TEX14: variants seen among roughly 807,000 people sequenced by gnomAD.
The protein encoded by TEX14 is inactive serine/threonine-protein kinase TEX14.
TEX14 carries 168 observed loss-of-function variants against 178.6 expected under a neutral mutation model. The ratio of observed to expected loss-of-function variants is 0.94; its 90% CI spans 0.83 to 1.07. The LOEUF (loss-of-function observed/expected upper bound fraction) is 1.07. TEX14 is among the 50% of genes least tolerant of loss of function. The probability of loss-of-function intolerance (pLI) is 0.00; values close to 1 mark genes in which losing one functional copy is unlikely to be tolerated. For synonymous variants in TEX14, 626 were observed against 634.1 expected (o/e 0.99, Z 0.19); for missense variants, 1,730 against 1,753.6 (o/e 0.99, Z 0.24).
intron 2 of TEX14, among the ~76,000 whole-genome samples, chr17:58,644,029 G>A (rs190141219): frequency 5.2e-4 from 78 of 150,862 alleles, no homozygotes; most frequent in African/African-American, 1.9e-3. Flanking sequence ...GTTACATGAC[G>A]GAGGTAGGTT....
Position 58,615,344 on chromosome 17 carries a change from G to C in TEX14, c.769C>G (p.Leu257Val). Residue 257 changes from leucine (L) to valine (V), a missense_variant and splice_region_variant, in exon 8 of 32, where the codon CTA (leucine) becomes GTA (valine). Coordinates refer to ENST00000349033, the MANE Select transcript of TEX14 (RefSeq NM_031272.5). Reference protein sequence around the residue: ...FSGPYMVMTNLVWNGSRVTVK... With the variant: ...FSGPYMVMTNVVWNGSRVTVK... ...GTGACCCTGCTCCCATTCCACACTA[G>C]GCTACAAGGACAGGAAAGAGTTTCA... 6.3e-7 allele frequency: 1 copy of C among 1,586,710 alleles called. No homozygotes were observed. Among genetic ancestry groups the C allele is most frequent in the Non-Finnish European group, 8.7e-7 (1 of 1,155,170 alleles).
intron 7 of TEX14, 146 bp from the exon 8 acceptor site, chr17:58,615,491 C>A: frequency 1.6e-6 from 1 of 633,012 alleles, no homozygotes; most frequent in South Asian, 1.8e-5. Context: ...TCCTCTCTCC[C>A]ACTACCCACC....
At chr17:58,581,678 T>C (rs1195908050) in intron 19 of TEX14, 1 of 1,613,800 alleles carries the variant, frequency 6.2e-7, no homozygotes, top group Non-Finnish European at 8.5e-7. Context: ...TAAAAATTCA[T>C]CTGTTATATC....
At chr17:58,626,666 G>A (rs1282917138) in intron 3 of TEX14, among the ~76,000 whole-genome samples, 1 of 151,072 alleles carries the variant, frequency 6.6e-6, no homozygotes, top group East Asian at 1.9e-4. Flanking sequence ...TGGATCACCT[G>A]AGGTCAGGAA....
chr17:58,652,905 A>C (rs561373693), intron 1 of TEX14, among the ~76,000 whole-genome samples: 1 of 152,218 alleles, frequency 6.6e-6, no homozygotes, highest in South Asian at 2.1e-4. Context: ...CATCTGTAAC[A>C]TGGGGATAAT....
chr17:58,670,286 C>G (rs2047282262), intron 1 of TEX14, among the ~76,000 whole-genome samples: 1 of 152,128 alleles, frequency 6.6e-6, no homozygotes, highest in African/African-American at 2.4e-5. Context: ...GCTGGAGTCT[C>G]AGGCTAGCAA....
intron 2 of TEX14, among the ~76,000 whole-genome samples, chr17:58,639,438 C>T (rs931640980): frequency 1.3e-5 from 2 of 151,746 alleles, no homozygotes; most frequent in Admixed American, 6.6e-5. Flanking sequence ...CGGTGGCTCA[C>T]GCCTGTAATT....
intron 8 of TEX14, among the ~76,000 whole-genome samples, chr17:58,615,026 C>A (rs302857): frequency 1.3e-5 from 2 of 152,070 alleles, no homozygotes; most frequent in Non-Finnish European, 2.9e-5. Context: ...CTCACCACCA[C>A]TGTCCCCACT....
chr17:58,559,988 T>C (rs984153820), intron 29 of TEX14, among the ~76,000 whole-genome samples: 3 of 152,236 alleles, frequency 2.0e-5, no homozygotes, highest in African/African-American at 7.2e-5. Flanking sequence ...TATCATCTTA[T>C]CTTCATTTCC....
intron 1 of TEX14, among the ~76,000 whole-genome samples, chr17:58,654,520 T>C (rs2046908864): frequency 1.3e-5 from 2 of 148,928 alleles, no homozygotes; most frequent in African/African-American, 4.9e-5. Flanking sequence ...TTTTTTTTTT[T>C]TTTGGAGACA....
chr17:58,649,236 C>G (rs1033303063), intron 2 of TEX14, among the ~76,000 whole-genome samples: 1 of 151,950 alleles, frequency 6.6e-6, no homozygotes, highest in African/African-American at 2.4e-5. Context: ...CCCACCACCA[C>G]GCCCAGCTAA....
chr17:58,581,721 T>C lies in TEX14; in HGVS notation c.3172-1990A>G, dbSNP rs775801890. 1.5e-5 allele frequency: 24 copies of C among 1,611,736 alleles called. No individual in the cohort carries two copies. The highest frequency in any genetic ancestry group is 4.4e-5 in the South Asian group (4 of 90,362). ...GACTCTGGTGAACAAGTTGATTGCA[T>C]GGACTGATGCTATTAATAATGTAGG... On this transcript the variant is annotated intron_variant, in intron 19 of 31. Transcript: ENST00000349033.
chr17:58,660,349 C>T (rs1035168477), intron 1 of TEX14: 1 of 240,374 alleles, frequency 4.2e-6, no homozygotes. Context: ...TGCAGTGAGC[C>T]GAGATCGCGC....
intron 3 of TEX14, among the ~76,000 whole-genome samples, chr17:58,625,830 T>C (rs1013961445): frequency 6.6e-6 from 1 of 152,106 alleles, no homozygotes; most frequent in African/African-American, 2.4e-5. Context: ...AACCTCCGCC[T>C]CCTGGGTTGA....
intron 5 of TEX14, 55 bp from the exon 6 acceptor site, chr17:58,617,674 A>G: frequency 7.7e-7 from 1 of 1,295,888 alleles, no homozygotes; most frequent in Non-Finnish European, 1.1e-6. Flanking sequence ...CATATCCAGA[A>G]TAATAATGCT....
At chr17:58,598,778 CCA>C in intron 14 of TEX14, 96 bp downstream of exon 14, 2 of 1,162,154 alleles carry the variant, frequency 1.7e-6, no homozygotes, top group Non-Finnish European at 2.5e-6. Context: ...TGACTGATCC[CCA>C]GTGTTTACTT....
intron 14 of TEX14, among the ~76,000 whole-genome samples, chr17:58,593,997 G>A (rs1216420736): frequency 1.3e-5 from 2 of 152,040 alleles, no homozygotes; most frequent in East Asian, 3.9e-4. Flanking sequence ...ACCACACCCA[G>A]CTAATTTTTG....
intron 14 of TEX14, 115 bp from the exon 15 acceptor site, chr17:58,593,776 C>T (rs2045214078): frequency 1.2e-6 from 1 of 834,350 alleles, no homozygotes; most frequent in Admixed American, 2.4e-5. Flanking sequence ...CCAGACCTAC[C>T]AGGATTTTCC....
chr17:58,563,540 T>TACTTG (rs2044313542), intron 28 of TEX14, among the ~76,000 whole-genome samples: 1 of 148,148 alleles, frequency 6.8e-6, no homozygotes, highest in African/African-American at 2.5e-5. Flanking sequence ...TAGTCCCAGC[T>TACTTG]ACTTGGGAGG....
Sources: allele counts gnomAD v4.1 joint callset (sites outside exome capture counted in the v4.1 genomes callset), GRCh38; gene constraint gnomAD v4.1.1; transcripts MANE v1.5; gene names NCBI Gene and HGNC (gene_info 2026-07-23, HGNC 2026-07-21).